Variants in COL12A1 observed in about 807,000 individuals in gnomAD.
The protein encoded by COL12A1 is collagen type XII alpha 1 chain.
COL12A1 carries 114 observed loss-of-function variants against 349.7 expected under a neutral mutation model. The ratio of observed to expected loss-of-function variants is 0.33; its 90% CI spans 0.28 to 0.38. COL12A1 has a LOEUF of 0.38. Among genes scored for constraint, COL12A1 ranks in the 10% least tolerant of loss-of-function variants. The probability of loss-of-function intolerance (pLI) is 1.00; values close to 1 mark genes in which losing one functional copy is unlikely to be tolerated. For synonymous variants in COL12A1, 1,369 were observed against 1,329.0 expected, an observed-to-expected ratio of 1.03 and a Z score of -0.66; for missense variants, 3,284 against 3,756.9, an observed-to-expected ratio of 0.87 and a Z score of 3.29.
intron 16 of COL12A1, among the ~76,000 whole-genome samples, chr6:75,155,311 C>T (rs751977479): frequency 3.9e-5 from 6 of 152,102 alleles, no homozygotes; most frequent in Non-Finnish European, 5.9e-5. Context: ...ACAGGAACCC[C>T]CATGCTTCCA....
In COL12A1 at chr6:75,101,638, G is replaced by C; in HGVS notation, c.8485C>G (p.Pro2829Ala). The C allele has an allele frequency of 6.2e-7, 1 of 1,613,808 alleles. No homozygotes were observed. The highest frequency in any genetic ancestry group is 8.5e-7 in the Non-Finnish European group (1 of 1,179,828). The change falls in exon 58 of 66, where the codon CCT becomes GCT. Residue 2829 changes from proline (P) to alanine (A), a missense_variant. Physicochemically the swap from Pro to Ala is conservative, Grantham distance 27 (BLOSUM62 -1). Around this residue, in one of 2 missense-constraint regions of COL12A1, gnomAD observed 683 missense variants for 932.1 expected, o/e 0.73. Transcript: ENST00000322507. ...LPGRTGTPGLPGPPGPMGPPG... is the reference protein window; with the variant it reads ...LPGRTGTPGLAGPPGPMGPPG... ...GGTCCCATTGGTCCTGGTGGGCCAG[G>C]TAATCCTGGGGTTCCCTGCACAGAA...
chr6:75,158,083 A>T (rs1335042671), intron 14 of COL12A1, among the ~76,000 whole-genome samples: 1 of 152,208 alleles, frequency 6.6e-6, no homozygotes, highest in South Asian at 2.1e-4. Flanking sequence ...AAAATCTGAC[A>T]TCTAATAAAA....
In COL12A1 at chr6:75,142,096, T is replaced by C. The variant is rs1219807352; in HGVS notation, c.4893A>G (p.Thr1631=). 9 of 1,614,026 alleles carry C rather than the reference T, an allele frequency of 5.6e-6. No individual in the cohort carries two copies. The highest frequency in any genetic ancestry group is 6.8e-6 in the Non-Finnish European group (8 of 1,180,000). ...LKDLFSQTLY[T]VSVSAVHDEG... The stretch of plus-strand genomic sequence containing the variant: ...CGTCATGTACTGCAGAAACGCTGAC[T>C]GTGTACAAGGTCTGTGAGAAGAGGT... Residue 1631 remains threonine, a synonymous_variant, in exon 27 of 66, where the codon ACA becomes ACG. Transcript: ENST00000322507.
At chr6:75,161,095 A>T (rs1279535656) in intron 14 of COL12A1, among the ~76,000 whole-genome samples, 4 of 151,876 alleles carry the variant, frequency 2.6e-5, no homozygotes, top group African/African-American at 9.7e-5. Context: ...ACCCACACTC[A>T]CTCAGGCTGG....
chr6:75,116,161 G>A, intron 47 of COL12A1, 104 bp from the exon 48 acceptor site: 2 of 1,072,930 alleles, frequency 1.9e-6, no homozygotes, highest in Non-Finnish European at 2.8e-6. Context: ...AAATGACATT[G>A]TTCATTTATT....
chr6:75,145,611 C>CTTTTTT (rs56698330), intron 24 of COL12A1, among the ~76,000 whole-genome samples, 156 bp from the exon 25 acceptor site: 1 of 121,190 alleles, frequency 8.3e-6, no homozygotes. Context: ...CTGATGTTTT[C>CTTTTTT]TTTTTTTTTT....
intron 13 of COL12A1, among the ~76,000 whole-genome samples, chr6:75,168,237 T>A (rs1025702881): frequency 6.6e-6 from 1 of 152,174 alleles, no homozygotes; most frequent in African/African-American, 2.4e-5. Flanking sequence ...CATTGATAAT[T>A]TTTTTTAGGG....
At chr6:75,142,244 C>A (rs368750420) in intron 26 of COL12A1, 83 bp from the exon 27 acceptor site, 11 of 1,476,006 alleles carry the variant, frequency 7.5e-6, no homozygotes, top group Non-Finnish European at 8.4e-6. Flanking sequence ...TACCTGTCAG[C>A]GTAAGAATAT....
At position 75,112,717 on chromosome 6, in the gene COL12A1, G is replaced by T. The variant is rs551744435; in HGVS notation, c.7950+487C>A. Among the ~76,000 whole-genome samples, 13 of 151,482 alleles carry T rather than the reference G, an allele frequency of 8.6e-5. No individual in the cohort carries two copies. The East Asian group carries it at 2.5e-3, about 29-fold the overall frequency. ...ATTTTGGTAGATATTGATAACTTTT[G>T]GATTGATAAAAATAATTATTCTGCA... On this transcript the variant is annotated intron_variant, in intron 51 of 65. Transcript: ENST00000322507.
intron 51 of COL12A1, 119 bp from the exon 52 acceptor site, chr6:75,109,286 G>A (rs1223719352): frequency 1.5e-6 from 1 of 658,614 alleles, no homozygotes; most frequent in South Asian, 2.6e-5. Context: ...TAAATCAAAA[G>A]TCTTACTCTG....
Position 75,085,227 on chromosome 6 carries a change from C to A in COL12A1, c.*1320G>T, listed in dbSNP as rs765695255. Reference sequence around the variant, plus strand: ...TCCGTGGGGCAGGGCGCGCCGCCAGCGCCGGTGGGGCTCAGGAGGCTCCTC... The same window carrying A: ...TCCGTGGGGCAGGGCGCGCCGCCAGAGCCGGTGGGGCTCAGGAGGCTCCTC... On this transcript the variant is annotated 3_prime_UTR_variant, in exon 66 of 66. Coordinates refer to ENST00000322507, the MANE Select transcript of COL12A1 (RefSeq NM_004370.6). The A allele has an allele frequency of 6.4e-6, 3 of 469,408 alleles. No individual in the cohort carries two copies. Among genetic ancestry groups the A allele is most frequent in the Non-Finnish European group, 1.3e-5 (3 of 226,528 alleles). The allele number at this position is 469,408 out of a possible 1,614,324, so 29.1% of individuals were successfully genotyped here. A position where few individuals can be genotyped will look rare whatever the true frequency, so the allele number is the denominator to read the frequency against.
At chr6:75,132,410 G>C (rs1159099963) in intron 34 of COL12A1, among the ~76,000 whole-genome samples, 2 of 152,188 alleles carry the variant, frequency 1.3e-5, no homozygotes, top group East Asian at 3.8e-4. Flanking sequence ...ATAAGTAATG[G>C]AGAGAGGAAG....
intron 14 of COL12A1, 66 bp from the exon 15 acceptor site, chr6:75,156,589 T>C: frequency 6.8e-7 from 1 of 1,461,742 alleles, no homozygotes; most frequent in Non-Finnish European, 9.3e-7. Context: ...CACCTCTTCA[T>C]TTATGTGAAA....
At chr6:75,190,015 A>T (rs1200203667) in intron 5 of COL12A1, among the ~76,000 whole-genome samples, 200 bp from the exon 6 acceptor site, 4 of 152,128 alleles carry the variant, frequency 2.6e-5, no homozygotes, top group African/African-American at 7.2e-5. Flanking sequence ...CTTTATCAAG[A>T]TGAATTCATG....
chr6:75,183,874 T>A lies in COL12A1; in HGVS notation c.1268A>T (p.Gln423Leu). 2 of 1,614,150 alleles carry A rather than the reference T, an allele frequency of 1.2e-6. No individual in the cohort carries two copies. Among genetic ancestry groups the A allele is most frequent in the Non-Finnish European group, 1.7e-6 (2 of 1,179,948 alleles). Residue 423 changes from glutamine (Q) to leucine (L), a missense_variant, in exon 9 of 66, where the codon CAG becomes CTG. Gln to Leu is a moderately radical substitution (Grantham distance 113). This residue lies in a region of COL12A1 where 2,601 missense variants were observed against 2,824.8 expected (regional missense o/e 0.92). Transcript: ENST00000322507. ...SEPISIMEKT[Q>L]PMKVQVECSR... ...CTTACCCACTTGAACTTTCATTGGC[T>A]GAGTCTTCTCCATTATTGAAATGGG...
chr6:75,113,054 T>C (rs1412972338), intron 51 of COL12A1, 150 bp downstream of exon 51: 9 of 448,354 alleles, frequency 2.0e-5, no homozygotes, highest in African/African-American at 1.2e-4. Flanking sequence ...TTTTAAATAT[T>C]ATTTGAATTA....
rs752847412 is a variant in COL12A1 at position 75,145,332 on chromosome 6, C to T, written c.4684G>A (p.Val1562Ile). The T allele has an allele frequency of 1.2e-6, 2 of 1,607,712 alleles. No homozygotes were observed. Among genetic ancestry groups the T allele is most frequent in the Non-Finnish European group, 1.7e-6 (2 of 1,175,424 alleles). Residue 1562 changes from valine (V) to isoleucine (I), a missense_variant, in exon 25 of 66, where the codon GTC (valine) becomes ATC (isoleucine). Transcript: ENST00000322507. The stretch of plus-strand genomic sequence containing the variant: ...AAACTAAGCAGTAGCTTACAGGTGA[C>T]TTCCCGAACAGTGACAGGTTCACTA... ...LTSEPVTVRE[V>I]TLPLPRPQDL...
At chr6:75,123,662 A>T (rs1765858456) in intron 42 of COL12A1, among the ~76,000 whole-genome samples, 1 of 152,200 alleles carries the variant, frequency 6.6e-6, no homozygotes. Context: ...GGGTCAAATG[A>T]GTAAAAGTCA....
At chr6:75,202,657 A>G (rs1054664283) in intron 2 of COL12A1, 63 bp downstream of exon 2, 21 of 1,446,150 alleles carry the variant, frequency 1.5e-5, no homozygotes, top group Admixed American at 4.0e-5. Context: ...AGCAAGAAAG[A>G]TGTGTTTTTT....
Sources: gnomAD v4.1 joint callset for allele counts (sites outside exome capture counted in the v4.1 genomes callset) on GRCh38, gnomAD v4.1.1 for gene constraint, gnomAD v4.1.1 regional missense constraint, MANE v1.5 for transcripts, NCBI Gene and HGNC (gene_info 2026-07-23, HGNC 2026-07-21) for gene names.